CHD1: variants seen among roughly 807,000 people sequenced by gnomAD.
The protein encoded by CHD1 is chromodomain helicase DNA binding protein 1.
A neutral mutation model predicts 224.2 loss-of-function variants in CHD1; 36 were observed. The ratio of observed to expected loss-of-function variants is 0.16; its 90% CI spans 0.12 to 0.21. CHD1 has a LOEUF of 0.21. Ranked by LOEUF, CHD1 falls within the 10% of genes least tolerant of loss-of-function variation. The pLI, the probability that CHD1 is intolerant of heterozygous loss-of-function variation, is 1.00. For missense variants in CHD1, 1,378 were observed against 1,994.8 expected (o/e 0.69, Z 5.89); for synonymous variants, 668 against 658.3 (o/e 1.01, Z -0.23).
In CHD1 at chr5:98,896,330, C is replaced by T. The variant is rs1751342840; in HGVS notation, c.1606G>A (p.Val536Ile). 2 of 1,613,558 alleles carry T rather than the reference C, an allele frequency of 1.2e-6. No homozygotes were observed. The highest frequency in any genetic ancestry group is 1.3e-5 in the African/African-American group (1 of 74,836). Residue 536 changes from valine to isoleucine, a missense_variant, in exon 12 of 36, where the codon GTA (valine) becomes ATA (isoleucine). Val to Ile is a conservative substitution (Grantham distance 29, BLOSUM62 3). Around this residue, in one of 16 missense-constraint regions of CHD1, gnomAD observed 49 missense variants for 135.7 expected, o/e 0.36. Transcript: ENST00000614616. Reference protein sequence around the residue: ...EHQLYGPFLLVVPLSTLTSWQ... With the variant: ...EHQLYGPFLLIVPLSTLTSWQ... ...GAAGTAAGAGTGGAGAGCGGTACTA[C>T]CAATAAAAAAGGTCCATATAATTGA...
chr5:98,911,142 AAAAAATATATATAT>A (rs1186665033), intron 2 of CHD1, among the ~76,000 whole-genome samples: 1 of 81,368 alleles, frequency 1.2e-5, no homozygotes, highest in South Asian at 4.0e-4. Context: ...AAAAAAAAAA[AAAAAATATATATAT>A]ATATATATAT....
chr5:98,924,755 CACTT>C (rs1753341269), intron 2 of CHD1, among the ~76,000 whole-genome samples: 1 of 152,104 alleles, frequency 6.6e-6, no homozygotes, highest in Non-Finnish European at 1.5e-5. Flanking sequence ...GCAGGTGGAT[CACTT>C]GAGGCCAGGA....
intron 2 of CHD1, among the ~76,000 whole-genome samples, chr5:98,911,146 A>AAAAAAAATATATATAT (rs1491111295): frequency 5.1e-5 from 2 of 39,132 alleles, no homozygotes; most frequent in African/African-American, 1.2e-4. Context: ...AAAAAAAAAA[A>AAAAAAAATATATATAT]ATATATATAT....
chr5:98,922,295 A>G (rs73153594), intron 2 of CHD1, among the ~76,000 whole-genome samples: 214 of 152,350 alleles, frequency 1.4e-3, no homozygotes, highest in African/African-American at 5.0e-3. Context: ...GCTTAACTTC[A>G]GTTACATAAA....
chr5:98,908,555 A>G (rs1004543144), intron 2 of CHD1, among the ~76,000 whole-genome samples: 1 of 152,162 alleles, frequency 6.6e-6, no homozygotes, highest in African/African-American at 2.4e-5. Context: ...AATCAAAGAG[A>G]TATAGGGGAC....
chr5:98,858,610 G>T, intron 34 of CHD1: 1 of 505,464 alleles, frequency 2.0e-6, no homozygotes, highest in East Asian at 3.1e-5. Flanking sequence ...TAAAAAATAT[G>T]GGACCTATTC....
intron 2 of CHD1, among the ~76,000 whole-genome samples, chr5:98,920,775 C>T (rs1753039054): frequency 7.2e-6 from 1 of 139,422 alleles, no homozygotes; most frequent in Non-Finnish European, 1.5e-5. Context: ...CCAGCCTGGG[C>T]AACAGAGCAA....
In CHD1 at chr5:98,857,679, G is replaced by A. The variant is rs572589773; in HGVS notation, c.4787+501C>T. On this transcript the variant is annotated intron_variant, in intron 35 of 35. Transcript: ENST00000614616. The stretch of plus-strand genomic sequence containing the variant: ...ACACTGAGGTTGCTTACTGTTCAAA[G>A]GCTTCAAAAAACAATAAACAAAAAA... 9.9e-5 allele frequency among the ~76,000 whole-genome samples: 15 copies of A among 152,124 alleles called. No homozygotes were observed. The East Asian group carries it at 2.7e-3, about 27-fold the overall frequency.
chr5:98,926,318 C>A lies in CHD1; in HGVS notation c.53+16G>T. On this transcript the variant is annotated intron_variant, in intron 2 of 35. Transcript: ENST00000614616. ...TCTCTTCATAGTAAACAATTGATAA[C>A]AAAGTGCTTACTTACCTTGATTCTC... 1 of 1,463,790 alleles carries A rather than the reference C, an allele frequency of 6.8e-7. No individual in the cohort carries two copies. Among genetic ancestry groups the A allele is most frequent in the Non-Finnish European group, 9.3e-7 (1 of 1,080,040 alleles). The allele number at this position is 1,463,790 out of a possible 1,614,324, so 90.7% of individuals were successfully genotyped here. A position where few individuals can be genotyped will look rare whatever the true frequency, so the allele number is the denominator to read the frequency against.
intron 33 of CHD1, among the ~76,000 whole-genome samples, chr5:98,859,718 TATA>T (rs1402019050): frequency 5.3e-5 from 8 of 152,156 alleles, no homozygotes; most frequent in African/African-American, 1.9e-4. Context: ...CAAGTTTCTC[TATA>T]AAGTTATTAT....
intron 2 of CHD1, among the ~76,000 whole-genome samples, chr5:98,911,022 A>G (rs1327465473): frequency 6.6e-6 from 1 of 151,144 alleles, no homozygotes; most frequent in Non-Finnish European, 1.5e-5. Flanking sequence ...TGACTTCTAA[A>G]TACTACTGCA....
At chr5:98,927,357 G>T (rs1250415092) in intron 1 of CHD1, among the ~76,000 whole-genome samples, 1 of 152,070 alleles carries the variant, frequency 6.6e-6, no homozygotes, top group Non-Finnish European at 1.5e-5. Context: ...GAAGAAGCGG[G>T]GGAAGGAGAC....
In CHD1 at chr5:98,856,454, A is replaced by G; in HGVS notation, c.5059T>C (p.Ser1687Pro). ...SPLDQRSPYG[S>P]RSPFEHSVEH... ...ACTGAATGTTCAAATGGAGATCTGG[A>G]GCCATAAGGAGATCTCTGATCTAGT... The change falls in exon 36 of 36, where the codon TCC becomes CCC. Residue 1687 changes from serine (S) to proline (P), a missense_variant. By Grantham distance (74) the Ser-to-Pro change is moderately conservative. Around this residue, in one of 16 missense-constraint regions of CHD1, gnomAD observed 278 missense variants for 298.5 expected, o/e 0.93. Transcript: ENST00000614616. 1 of 1,601,120 alleles carries G rather than the reference A, an allele frequency of 6.2e-7. No homozygotes were observed. Among genetic ancestry groups the G allele is most frequent in the Non-Finnish European group, 8.5e-7 (1 of 1,174,710 alleles).
At chr5:98,918,273 A>G (rs1350491906) in intron 2 of CHD1, among the ~76,000 whole-genome samples, 1 of 151,132 alleles carries the variant, frequency 6.6e-6, no homozygotes, top group Non-Finnish European at 1.5e-5. Flanking sequence ...ATTAGCCAGG[A>G]TGGTCTCGAT....
chr5:98,886,956 A>G (rs929041672), intron 17 of CHD1, among the ~76,000 whole-genome samples: 1 of 152,120 alleles, frequency 6.6e-6, no homozygotes, highest in African/African-American at 2.4e-5. Context: ...TATGTACACA[A>G]TAATTTGTTT....
chr5:98,878,174 T>C (rs1749903181), intron 23 of CHD1, among the ~76,000 whole-genome samples: 1 of 152,230 alleles, frequency 6.6e-6, no homozygotes, highest in African/African-American at 2.4e-5. Context: ...TCAAGCACTT[T>C]GCCACGAACT....
At chr5:98,859,542 T>C (rs1748306530) in intron 33 of CHD1, among the ~76,000 whole-genome samples, 1 of 152,128 alleles carries the variant, frequency 6.6e-6, no homozygotes, top group African/African-American at 2.4e-5. Context: ...TTATAGAATA[T>C]CCGTCAAGTA....
intron 20 of CHD1, 106 bp downstream of exon 20, chr5:98,881,869 G>A: frequency 2.1e-6 from 2 of 962,674 alleles, no homozygotes; most frequent in East Asian, 2.5e-5. Context: ...AATATAAAAA[G>A]TACAACTCTG....
In CHD1 at chr5:98,902,933, G is replaced by A. The variant is rs943928419; in HGVS notation, c.404C>T (p.Ser135Leu). The stretch of plus-strand genomic sequence containing the variant: ...CTTTTTCCTTTTGACCTCACTTGAT[G>A]AGTCATCGGAATCTTCACTGCTAGA... ...DSSSSEDSDD[S>L]SSEVKRKKHK... Residue 135 changes from serine to leucine, a missense_variant, in exon 5 of 36, where the codon TCA becomes TTA. Ser to Leu is a moderately radical substitution (Grantham distance 145, BLOSUM62 -2). Transcript: ENST00000614616. 2.6e-5 allele frequency: 41 copies of A among 1,606,030 alleles called. No individual in the cohort carries two copies. The highest frequency in any genetic ancestry group is 3.4e-5 in the Non-Finnish European group (40 of 1,174,636).
Sources: gnomAD v4.1 joint callset for allele counts (sites outside exome capture counted in the v4.1 genomes callset) on GRCh38, gnomAD v4.1.1 for gene constraint, gnomAD v4.1.1 regional missense constraint, MANE v1.5 for transcripts, NCBI Gene and HGNC (gene_info 2026-07-23, HGNC 2026-07-21) for gene names.